The following KCNIP4 variants were observed in gnomAD, a reference collection of about 807,000 sequenced individuals.
The protein encoded by KCNIP4 is Kv channel-interacting protein 4.
A neutral mutation model predicts 34.0 loss-of-function variants in KCNIP4; 12 were observed. That is an observed-to-expected ratio of 0.35 (90% CI 0.23 to 0.57). The LOEUF is 0.57. Among genes scored for constraint, KCNIP4 ranks in the 20% least tolerant of loss-of-function variants. KCNIP4 has a pLI of 0.83. For missense variants in KCNIP4, 238 were observed against 311.7 expected (o/e 0.76, Z 1.78); for synonymous variants, 124 against 102.2 (o/e 1.21, Z -1.29).
chr4:21,844,365 G>A (rs1467284053), intron 1 of KCNIP4: 1 of 151,920 alleles, frequency 6.6e-6, no homozygotes, highest in South Asian at 2.1e-4. Flanking sequence ...ATAATACATG[G>A]GTAGAATTTA....
chr4:20,923,118 T>C (rs955111327), intron 1 of KCNIP4, among the ~76,000 whole-genome samples: 3 of 152,162 alleles, frequency 2.0e-5, no homozygotes, highest in Non-Finnish European at 4.4e-5. Context: ...TTTAAGGTCA[T>C]CATATTAAAG....
chr4:20,931,176 T>TAC (rs113547133), intron 1 of KCNIP4, among the ~76,000 whole-genome samples: 61,335 of 148,938 alleles, frequency 0.41, 12,465 homozygotes, highest in East Asian at 0.5. Flanking sequence ...GACAATGTGG[T>TAC]ACACACACAC....
intron 1 of KCNIP4, among the ~76,000 whole-genome samples, chr4:21,017,483 C>T (rs915087859): frequency 9.2e-5 from 14 of 152,148 alleles, no homozygotes; most frequent in African/African-American, 2.9e-4. Flanking sequence ...CGGATAATGG[C>T]TTCCAATTCC....
At chr4:21,437,189 G>A (rs1727014093) in intron 1 of KCNIP4, among the ~76,000 whole-genome samples, 2 of 152,064 alleles carry the variant, frequency 1.3e-5, no homozygotes, top group African/African-American at 4.8e-5. Flanking sequence ...AAAGCAGAAG[G>A]TAATTGACTG....
intron 1 of KCNIP4, among the ~76,000 whole-genome samples, chr4:21,570,886 T>C (rs1028084806): frequency 2.0e-5 from 3 of 152,138 alleles, no homozygotes; most frequent in Non-Finnish European, 2.9e-5. Flanking sequence ...CTATTTTATA[T>C]GGGAAGTAAC....
chr4:21,608,839 T>A lies in KCNIP4; in HGVS notation c.61+339732A>T, dbSNP rs147751140. On this transcript the variant is annotated intron_variant, in intron 1 of 8. Transcript: ENST00000382152. ...CGAGTTCTCAAAGAAAATCAAGGCA[T>A]ATGGCTGGGCATCTCTTTTAGCATC... The A allele has an allele frequency of 1.2e-4, 18 of 152,294 alleles. 1 individual carries two copies. The East Asian group carries it at 3.5e-3, about 29-fold the overall frequency. The allele number at this position is 152,294 out of a possible 1,614,324, so 9.4% of individuals were successfully genotyped here.
rs544385050 is a variant in KCNIP4 at position 21,202,691 on chromosome 4, C to T, written c.62-319982G>A. Among the ~76,000 whole-genome samples, 12 of 152,284 alleles carry T rather than the reference C, an allele frequency of 7.9e-5. No homozygotes were observed. In the South Asian group the frequency reaches 8.3e-4, roughly 11 times the overall value. The stretch of plus-strand genomic sequence containing the variant: ...GGTGCTCAGATCCGTCTCAGTCTAA[C>T]GATTAACCATGTTCTTTCCACTTGT... On this transcript the variant is annotated intron_variant, in intron 1 of 8. Coordinates refer to ENST00000382152, the MANE Select transcript of KCNIP4 (RefSeq NM_025221.6).
chr4:21,873,678 C>T (rs1046633652), intron 1 of KCNIP4, among the ~76,000 whole-genome samples: 7 of 152,098 alleles, frequency 4.6e-5, no homozygotes, highest in African/African-American at 7.2e-5. Context: ...CCAACCACAA[C>T]AAAATTATAA....
chr4:21,939,190 T>C (rs1247445432), intron 1 of KCNIP4, among the ~76,000 whole-genome samples: 1 of 152,176 alleles, frequency 6.6e-6, no homozygotes. Flanking sequence ...GGTGGACTTT[T>C]CATTCTCACT....
At chr4:21,229,685 G>A (rs563852337) in intron 1 of KCNIP4, among the ~76,000 whole-genome samples, 7 of 152,268 alleles carry the variant, frequency 4.6e-5, no homozygotes, top group Non-Finnish European at 7.4e-5. Flanking sequence ...AGATGACCAT[G>A]TGTTCAGGGA....
At chr4:21,662,501 T>C (rs1007313067) in intron 1 of KCNIP4, among the ~76,000 whole-genome samples, 1 of 152,214 alleles carries the variant, frequency 6.6e-6, no homozygotes, top group African/African-American at 2.4e-5. Context: ...ATTAAAAATG[T>C]AGCATTAGGG....
chr4:21,281,200 C>T (rs555675362), intron 1 of KCNIP4, among the ~76,000 whole-genome samples: 2 of 151,128 alleles, frequency 1.3e-5, no homozygotes, highest in South Asian at 4.2e-4. Flanking sequence ...AACTCTCCTT[C>T]CTCAGCCTCC....
At chr4:20,899,143 C>T (rs77835056) in intron 1 of KCNIP4, among the ~76,000 whole-genome samples, 2 of 152,098 alleles carry the variant, frequency 1.3e-5, no homozygotes, top group Non-Finnish European at 2.9e-5. Context: ...GTGTTATCTA[C>T]AAATTATATC....
chr4:21,650,451 G>T (rs1158150334), intron 1 of KCNIP4, among the ~76,000 whole-genome samples: 1 of 152,074 alleles, frequency 6.6e-6, no homozygotes, highest in Non-Finnish European at 1.5e-5. Context: ...CAATGATATT[G>T]GATCTCTATT....
At chr4:21,819,897 T>C (rs1217093731) in intron 1 of KCNIP4, among the ~76,000 whole-genome samples, 1 of 152,084 alleles carries the variant, frequency 6.6e-6, no homozygotes, top group Non-Finnish European at 1.5e-5. Context: ...TTTAGGGAAA[T>C]AGTGAACTAA....
chr4:21,463,512 T>G (rs917450243), intron 1 of KCNIP4, among the ~76,000 whole-genome samples: 4 of 151,968 alleles, frequency 2.6e-5, no homozygotes, highest in African/African-American at 9.7e-5. Flanking sequence ...GATGTGGTCT[T>G]TTGTGTTTGG....
chr4:21,816,712 C>T (rs1419271681), intron 1 of KCNIP4, among the ~76,000 whole-genome samples: 1 of 152,160 alleles, frequency 6.6e-6, no homozygotes, highest in Non-Finnish European at 1.5e-5. Flanking sequence ...GTGATCTCCA[C>T]ATCCCACCCC....
chr4:21,793,451 T>C (rs560583058), intron 1 of KCNIP4, among the ~76,000 whole-genome samples: 1 of 152,066 alleles, frequency 6.6e-6, no homozygotes, highest in Non-Finnish European at 1.5e-5. Flanking sequence ...ACAGATAAGA[T>C]TTCACCATGT....
chr4:20,802,203 T>TATATGCTACATATATGCTATAC (rs1385129033), intron 3 of KCNIP4, among the ~76,000 whole-genome samples: 1 of 145,674 alleles, frequency 6.9e-6, no homozygotes, highest in Non-Finnish European at 1.5e-5. Flanking sequence ...ATGCTATATA[T>TATATGCTACATATATGCTATAC]ATATGCTACA....
Sources: allele counts gnomAD v4.1 joint callset (sites outside exome capture counted in the v4.1 genomes callset), GRCh38; gene constraint gnomAD v4.1.1; transcripts MANE v1.5; gene names NCBI Gene and HGNC (gene_info 2026-07-23, HGNC 2026-07-21).